The following OCRL variants were observed in gnomAD, a reference collection of about 807,000 sequenced individuals.
The protein encoded by OCRL is inositol polyphosphate 5-phosphatase OCRL.
In OCRL, 8 loss-of-function variants were observed where a neutral mutation model predicts 78.9. That is an observed-to-expected ratio of 0.10 (90% CI 0.06 to 0.18). The LOEUF (loss-of-function observed/expected upper bound fraction) is 0.18, where lower values mean the gene tolerates loss of function less well. OCRL is among the 10% of genes least tolerant of loss of function. The pLI is 1.00. For missense variants in OCRL, 454 were observed against 696.7 expected (o/e 0.65, Z 3.92); for synonymous variants, 240 against 235.4 (o/e 1.02, Z -0.18).
intron 4 of OCRL, among the ~76,000 whole-genome samples, chrX:129,555,343 C>T (rs1450522777): frequency 1.8e-5 from 2 of 110,513 alleles, no homozygotes; most frequent in Non-Finnish European, 3.8e-5. Flanking sequence ...GACATGGTGG[C>T]GGGCACCTGT....
intron 17 of OCRL, 116 bp downstream of exon 17, chrX:129,576,178 C>G (rs771013820): frequency 3.1e-5 from 29 of 927,044 alleles, no homozygotes; most frequent in Non-Finnish European, 4.2e-5. Context: ...ATTGGTGATA[C>G]CTCTGGTGTG....
At chrX:129,555,717 T>G (rs1295864142) in intron 4 of OCRL, among the ~76,000 whole-genome samples, 2 of 112,127 alleles carry the variant, frequency 1.8e-5, no homozygotes, top group East Asian at 5.6e-4. Flanking sequence ...GTGAGCAATT[T>G]CTGGAATCTT....
intron 8 of OCRL, 40 bp downstream of exon 8, chrX:129,559,041 A>G: frequency 8.8e-7 from 1 of 1,133,283 alleles, no homozygotes; most frequent in Non-Finnish European, 1.2e-6. Context: ...AAAAGTTAGT[A>G]TATATAACAG....
At position 129,540,460 on chromosome X, in the gene OCRL, C is replaced by T; in HGVS notation, c.21C>T (p.Val7=). The T allele has an allele frequency of 8.8e-7, 1 of 1,134,780 alleles. No homozygotes were observed. Among genetic ancestry groups the T allele is most frequent in the Non-Finnish European group, 1.2e-6 (1 of 859,593 alleles). 93.5% of individuals were successfully genotyped at this position (1,134,780 alleles called of 1,213,427 possible). Residue 7 remains valine (V), a synonymous_variant, in exon 1 of 24, where the codon GTC becomes GTT. Transcript: ENST00000371113. MEPPLP[V]GAQPLATVEG... ...CCTGGATGGAGCCGCCGCTCCCGGT[C>T]GGAGCCCAGCCGCTTGCCGTATCCG... is the stretch of plus-strand genomic sequence containing the variant.
intron 17 of OCRL, 86 bp from the exon 18 acceptor site, chrX:129,576,231 G>A: frequency 1.0e-6 from 1 of 977,312 alleles, no homozygotes; most frequent in Non-Finnish European, 1.5e-6. Flanking sequence ...TTTTTTTAGA[G>A]GACACTTTTC....
chrX:129,564,606 T>G (rs1464306610), intron 12 of OCRL, among the ~76,000 whole-genome samples: 1 of 110,013 alleles, frequency 9.1e-6, no homozygotes, highest in Non-Finnish European at 1.9e-5. Context: ...TCATTCACAG[T>G]AAACTATCGC....
chrX:129,562,954 G>A (rs1182501496), intron 12 of OCRL, among the ~76,000 whole-genome samples, 168 bp downstream of exon 12: 1 of 111,818 alleles, frequency 8.9e-6, no homozygotes, highest in Non-Finnish European at 1.9e-5. Context: ...CATTGAGGCA[G>A]AGAAATTAGA....
At chrX:129,565,067 A>G (rs776165102) in intron 12 of OCRL, among the ~76,000 whole-genome samples, 3 of 111,687 alleles carry the variant, frequency 2.7e-5, no homozygotes, top group Non-Finnish European at 5.6e-5. Flanking sequence ...ATTTTCCCAG[A>G]TTCCATAAAT....
intron 14 of OCRL, among the ~76,000 whole-genome samples, chrX:129,568,510 T>G (rs1936253120): frequency 8.9e-6 from 1 of 111,843 alleles, no homozygotes; most frequent in African/African-American, 3.3e-5. Context: ...TGTTAGATCT[T>G]GTACACTTTG....
At chrX:129,579,498 T>C (rs1436156918) in intron 18 of OCRL, among the ~76,000 whole-genome samples, 2 of 111,877 alleles carry the variant, frequency 1.8e-5, no homozygotes, top group Admixed American at 9.5e-5. Flanking sequence ...AAGATCCTTA[T>C]GCACTGTTTT....
At chrX:129,545,362 A>G (rs1434642382) in intron 3 of OCRL, among the ~76,000 whole-genome samples, 1 of 112,474 alleles carries the variant, frequency 8.9e-6, no homozygotes, top group Non-Finnish European at 1.9e-5. Context: ...GGCTTAACGG[A>G]CACAGTGCTC....
At chrX:129,580,053 T>G (rs1936421101) in intron 18 of OCRL, among the ~76,000 whole-genome samples, 1 of 112,475 alleles carries the variant, frequency 8.9e-6, no homozygotes, top group Non-Finnish European at 1.9e-5. Flanking sequence ...TATAAAAGCT[T>G]ATTGACTGAC....
At chrX:129,583,644 G>A (rs892058560) in intron 18 of OCRL, among the ~76,000 whole-genome samples, 1 of 111,442 alleles carries the variant, frequency 9.0e-6, no homozygotes, top group Non-Finnish European at 1.9e-5. Flanking sequence ...TATTATTATT[G>A]GATTGTAATA....
At chrX:129,590,060 T>TC in intron 23 of OCRL, 86 bp from the exon 24 acceptor site, 1 of 1,185,224 alleles carries the variant, frequency 8.4e-7, no homozygotes, top group Non-Finnish European at 1.1e-6. Flanking sequence ...CAGTCAATAG[T>TC]CCTTGTCCCC....
chrX:129,567,593 A>G (rs989454367), intron 14 of OCRL, among the ~76,000 whole-genome samples: 2 of 112,339 alleles, frequency 1.8e-5, no homozygotes, highest in African/African-American at 6.5e-5. Flanking sequence ...AGATTGTTGA[A>G]GTTTTATGGG....
intron 5 of OCRL, 50 bp from the exon 6 acceptor site, chrX:129,557,811 T>A (rs1936080791): frequency 1.2e-6 from 1 of 851,744 alleles, no homozygotes; most frequent in Non-Finnish European, 1.8e-6. Context: ...TAGTAAATTC[T>A]ACTCAGTGAA....
Position 129,540,389 on chromosome X carries a change from C to T in OCRL, c.-51C>T, listed in dbSNP as rs1639451766. The stretch of plus-strand genomic sequence containing the variant: ...GGTGTGGGGACGCGGGAGCCAGTGT[C>T]GTCGGATCGGCCCGCAGTCCGCTGT... On this transcript the variant is annotated 5_prime_UTR_variant, in exon 1 of 24. Transcript: ENST00000371113. 3 of 1,135,216 alleles carry T rather than the reference C, an allele frequency of 2.6e-6. No homozygotes were observed. Among genetic ancestry groups the T allele is most frequent in the Admixed American group, 5.2e-5 (2 of 38,453 alleles). The allele number at this position is 1,135,216 out of a possible 1,213,427, so 93.6% of individuals were successfully genotyped here.
rs1439499015 is a variant in OCRL at position 129,590,889 on chromosome X, C to T, written c.*619C>T. 8.3e-6 allele frequency: 1 copy of T among 120,598 alleles called. No individual in the cohort carries two copies. Among genetic ancestry groups the T allele is most frequent in the Non-Finnish European group, 1.7e-5 (1 of 58,152 alleles). 9.9% of individuals were successfully genotyped at this position (120,598 alleles called of 1,213,427 possible). A position where few individuals can be genotyped will look rare whatever the true frequency, so the allele number is the denominator to read the frequency against. On this transcript the variant is annotated 3_prime_UTR_variant, in exon 24 of 24. Coordinates refer to ENST00000371113, the MANE Select transcript of OCRL (RefSeq NM_000276.4). ...CTCTGTAACATTGGCCTTTTCATGGCTCCACACTGGGTGGAACCATATTCT... is the reference window on the plus strand; with the variant it reads ...CTCTGTAACATTGGCCTTTTCATGGTTCCACACTGGGTGGAACCATATTCT...
intron 15 of OCRL, among the ~76,000 whole-genome samples, chrX:129,570,011 T>A (rs1419017643): frequency 9.2e-6 from 1 of 109,248 alleles, no homozygotes; most frequent in Admixed American, 9.7e-5. Flanking sequence ...GCCCAGCGAA[T>A]TTTTTTTTAA....
Sources: allele counts gnomAD v4.1 joint callset (sites outside exome capture counted in the v4.1 genomes callset), GRCh38; gene constraint gnomAD v4.1.1; transcripts MANE v1.5; gene names NCBI Gene and HGNC (gene_info 2026-07-23, HGNC 2026-07-21).